PTPN4: variants seen among roughly 807,000 people sequenced by gnomAD.
PTPN4 encodes tyrosine-protein phosphatase non-receptor type 4.
PTPN4 carries 49 observed loss-of-function variants against 135.5 expected under a neutral mutation model. The ratio of observed to expected loss-of-function variants is 0.36; its 90% CI spans 0.29 to 0.46. The LOEUF (loss-of-function observed/expected upper bound fraction) is 0.46, where lower values mean the gene tolerates loss of function less well. Among genes scored for constraint, PTPN4 ranks in the 20% least tolerant of loss-of-function variants. The pLI is 1.00. For missense variants in PTPN4, 860 were observed against 1,101.0 expected (o/e 0.78, Z 3.10); for synonymous variants, 333 against 369.9 (o/e 0.90, Z 1.14).
At chr2:119,823,384 G>A (rs561258269) in intron 2 of PTPN4, among the ~76,000 whole-genome samples, 2 of 151,918 alleles carry the variant, frequency 1.3e-5, no homozygotes, top group South Asian at 4.2e-4. Context: ...CCAGGTGCCC[G>A]CCACCACGCC....
chr2:119,965,032 T>C lies in PTPN4; in HGVS notation c.2410-465T>C, dbSNP rs148289248. 1.8e-3 allele frequency among the ~76,000 whole-genome samples: 273 copies of C among 151,210 alleles called. 1 individual carries two copies. The highest frequency in any genetic ancestry group is 3.3e-3 in the Non-Finnish European group (224 of 67,798). ...CAAGGAGATGAGATCTGGGATGGGG[T>C]TTTTAAGGGGATGGTGGAGAGCAAG... is the stretch of plus-strand genomic sequence containing the variant. On this transcript the variant is annotated intron_variant, in intron 24 of 26. Transcript: ENST00000263708.
At chr2:119,961,056 A>G (rs1052353550) in intron 23 of PTPN4, 103 bp downstream of exon 23, 4 of 1,300,512 alleles carry the variant, frequency 3.1e-6, no homozygotes, top group Non-Finnish European at 2.1e-6. Context: ...TGTAACCTTT[A>G]ATCTTCTTTT....
chr2:119,779,615 TC>T (rs1219037958), intron 1 of PTPN4, among the ~76,000 whole-genome samples: 5 of 121,176 alleles, frequency 4.1e-5, no homozygotes, highest in Non-Finnish European at 5.1e-5. Context: ...AGACTCCGTC[TC>T]AAAAAAAAAA....
intron 10 of PTPN4, among the ~76,000 whole-genome samples, chr2:119,914,567 A>C (rs1259752588): frequency 6.6e-6 from 1 of 152,206 alleles, no homozygotes; most frequent in African/African-American, 2.4e-5. Context: ...TACTTAGAAG[A>C]CTGAGACAGG....
At chr2:119,891,409 G>T (rs1028383197) in intron 9 of PTPN4, among the ~76,000 whole-genome samples, 2 of 152,086 alleles carry the variant, frequency 1.3e-5, no homozygotes, top group Non-Finnish European at 2.9e-5. Flanking sequence ...TGCAACCTCT[G>T]CCTCCCAGAT....
chr2:119,924,453 A>G (rs1395541373), intron 12 of PTPN4, among the ~76,000 whole-genome samples: 6 of 151,944 alleles, frequency 3.9e-5, no homozygotes, highest in Non-Finnish European at 1.5e-5. Context: ...TGATTTCTTT[A>G]TGGATAGGAC....
chr2:119,783,539 G>A (rs1475942827), intron 1 of PTPN4, among the ~76,000 whole-genome samples: 1 of 152,136 alleles, frequency 6.6e-6, no homozygotes, highest in Non-Finnish European at 1.5e-5. Flanking sequence ...ATTAGTTTAG[G>A]TGCTTCTGTG....
intron 25 of PTPN4, 139 bp from the exon 26 acceptor site, chr2:119,967,698 A>T: frequency 3.0e-6 from 2 of 668,636 alleles, no homozygotes. Flanking sequence ...AATATTCTGT[A>T]TTTGGCTTAC....
At chr2:119,792,953 T>C (rs1234219648) in intron 1 of PTPN4, among the ~76,000 whole-genome samples, 1 of 152,090 alleles carries the variant, frequency 6.6e-6, no homozygotes, top group Non-Finnish European at 1.5e-5. Context: ...ACGAGGCAAA[T>C]GGGCAGGGCA....
chr2:119,872,264 A>C (rs1677924122), intron 3 of PTPN4, among the ~76,000 whole-genome samples: 1 of 152,112 alleles, frequency 6.6e-6, no homozygotes, highest in Non-Finnish European at 1.5e-5. Context: ...GAATTACTTT[A>C]TTTGGGAGAT....
chr2:119,905,794 A>G (rs746541341), intron 10 of PTPN4, among the ~76,000 whole-genome samples: 175 of 152,330 alleles, frequency 1.1e-3, no homozygotes, highest in Non-Finnish European at 2.3e-3. Flanking sequence ...TAAAACTAGA[A>G]ATCAATAACA....
intron 2 of PTPN4, among the ~76,000 whole-genome samples, chr2:119,830,811 C>G (rs926118349): frequency 6.6e-6 from 1 of 152,150 alleles, no homozygotes; most frequent in African/African-American, 2.4e-5. Flanking sequence ...ACCTTGCTCT[C>G]TCTTTGCCTT....
intron 2 of PTPN4, among the ~76,000 whole-genome samples, chr2:119,812,189 C>T (rs1160879508): frequency 1.3e-5 from 2 of 152,128 alleles, no homozygotes; most frequent in Non-Finnish European, 2.9e-5. Flanking sequence ...CAGTTATGTA[C>T]TTTACAACCT....
intron 1 of PTPN4, among the ~76,000 whole-genome samples, chr2:119,794,928 G>C (rs1402359162): frequency 2.0e-5 from 3 of 152,128 alleles, no homozygotes; most frequent in South Asian, 2.1e-4. Context: ...GCTCCTCTCT[G>C]TAGTCAGAGT....
intron 9 of PTPN4, among the ~76,000 whole-genome samples, chr2:119,891,892 A>G (rs908659319): frequency 2.0e-5 from 3 of 152,132 alleles, no homozygotes; most frequent in Admixed American, 6.5e-5. Context: ...TATCTGTGCA[A>G]TAGTTGCTGC....
chr2:119,952,725 A>G (rs767252213), intron 19 of PTPN4, among the ~76,000 whole-genome samples: 15 of 152,340 alleles, frequency 9.8e-5, no homozygotes, highest in African/African-American at 1.2e-4. Flanking sequence ...CCCAATCTGG[A>G]CAGCTGACTT....
intron 1 of PTPN4, among the ~76,000 whole-genome samples, chr2:119,798,321 C>T (rs1360546933): frequency 6.6e-6 from 1 of 152,110 alleles, no homozygotes; most frequent in African/African-American, 2.4e-5. Flanking sequence ...CACCCGCCAC[C>T]ATGCCTGGCT....
At chr2:119,912,644 G>A (rs1187409521) in intron 10 of PTPN4, among the ~76,000 whole-genome samples, 1 of 152,166 alleles carries the variant, frequency 6.6e-6, no homozygotes, top group African/African-American at 2.4e-5. Context: ...ATCCAAGTAT[G>A]TTAATTATTA....
At chr2:119,796,698 A>C (rs537992133) in intron 1 of PTPN4, among the ~76,000 whole-genome samples, 1 of 152,212 alleles carries the variant, frequency 6.6e-6, no homozygotes, top group Non-Finnish European at 1.5e-5. Flanking sequence ...TTTGTTACCT[A>C]GGAACGCAAT....
Sources: allele counts gnomAD v4.1 joint callset (sites outside exome capture counted in the v4.1 genomes callset), GRCh38; gene constraint gnomAD v4.1.1; transcripts MANE v1.5; gene names NCBI Gene and HGNC (gene_info 2026-07-23, HGNC 2026-07-21).